HK2: variants seen among roughly 807,000 people sequenced by gnomAD.
HK2 encodes hexokinase-2.
In HK2, 42 loss-of-function variants were observed where a neutral mutation model predicts 92.9. That is an observed-to-expected ratio of 0.45 (90% confidence interval 0.35 to 0.58). HK2 has a LOEUF of 0.58. Ranked by LOEUF, HK2 falls within the 20% of genes least tolerant of loss-of-function variation. The probability of loss-of-function intolerance (pLI) is 0.00; values close to 1 mark genes in which losing one functional copy is unlikely to be tolerated. For missense variants in HK2, 978 were observed against 1,245.1 expected, an observed-to-expected ratio of 0.79 and a Z score of 3.23; for synonymous variants, 422 against 468.0, an observed-to-expected ratio of 0.90 and a Z score of 1.27.
chr2:74,856,145 G>A (rs1053268416), intron 2 of HK2, among the ~76,000 whole-genome samples: 9 of 152,052 alleles, frequency 5.9e-5, no homozygotes, highest in East Asian at 1.9e-4. Context: ...CTACAGGGGC[G>A]TTGTTGGGAG....
At chr2:74,864,682 T>G (rs1035815745) in intron 2 of HK2, among the ~76,000 whole-genome samples, 3 of 152,112 alleles carry the variant, frequency 2.0e-5, no homozygotes, top group Non-Finnish European at 4.4e-5. Flanking sequence ...AATTTTTGTA[T>G]TATTAGTAGA....
At chr2:74,856,523 G>T (rs1470849997) in intron 2 of HK2, among the ~76,000 whole-genome samples, 1 of 152,116 alleles carries the variant, frequency 6.6e-6, no homozygotes, top group Non-Finnish European at 1.5e-5. Context: ...TCAGATAAAT[G>T]TACACACTCC....
At chr2:74,884,248 G>A (rs1414565887) in intron 12 of HK2, among the ~76,000 whole-genome samples, 1 of 152,216 alleles carries the variant, frequency 6.6e-6, no homozygotes. Context: ...TAGGTCTAGA[G>A]CCGTAAAAAT....
Position 74,886,294 on chromosome 2 carries a change from GA to G in HK2, c.1937del (p.Glu646GlyfsTer10). The part of the protein sequence containing the change: ...LLKEAIHRRE[E>X]FDLDVVAVVN... ...TGGGCATCTGCTTCTTCCCTCTCAGGAGTTTGACCTGGATGTGGTTGCTGTG... is the reference window on the plus strand; with the variant it reads ...TGGGCATCTGCTTCTTCCCTCTCAGGGTTTGACCTGGATGTGGTTGCTGTG... On this transcript the variant is annotated frameshift_variant and splice_region_variant, in exon 14 of 18. Transcript: ENST00000290573. LOFTEE classifies it high-confidence loss of function. 6.2e-7 allele frequency: 1 copy of G among 1,613,768 alleles called. No individual in the cohort carries two copies. The highest frequency in any genetic ancestry group is 1.3e-5 in the African/African-American group (1 of 75,054).
Position 74,834,469 on chromosome 2 carries a change from C to A in HK2, c.-112C>A. On this transcript the variant is annotated 5_prime_UTR_variant, in exon 1 of 18. Transcript: ENST00000290573. The surrounding 1 kb of genome is among the most constrained non-coding windows in gnomAD (Gnocchi z 4.2). Reference sequence around the variant, plus strand: ...CTTTGTGCGCCGTCCGGACTCCCAGCTCCCGGCCCGGCAGCCGAGCCCCAG... The same window carrying A: ...CTTTGTGCGCCGTCCGGACTCCCAGATCCCGGCCCGGCAGCCGAGCCCCAG... The A allele has an allele frequency of 1.8e-6, 2 of 1,092,622 alleles. No individual in the cohort carries two copies. Among genetic ancestry groups the A allele is most frequent in the Non-Finnish European group, 2.8e-6 (2 of 722,232 alleles). The allele number at this position is 1,092,622 out of a possible 1,614,324, so 67.7% of individuals were successfully genotyped here. A position where few individuals can be genotyped will look rare whatever the true frequency, so the allele number is the denominator to read the frequency against.
intron 17 of HK2, 31 bp from the exon 18 acceptor site, chr2:74,890,761 ATGGTT>A: frequency 6.2e-7 from 1 of 1,613,148 alleles, no homozygotes; most frequent in South Asian, 1.1e-5. Context: ...CATGACTAAG[ATGGTT>A]TTTCCTGTGT....
chr2:74,864,689 TAG>T (rs1688907059), intron 2 of HK2, among the ~76,000 whole-genome samples: 1 of 152,174 alleles, frequency 6.6e-6, no homozygotes, highest in African/African-American at 2.4e-5. Context: ...GTATTATTAG[TAG>T]AGACAGGGTT....
chr2:74,846,604 A>G (rs1205582006), intron 1 of HK2, among the ~76,000 whole-genome samples: 1 of 152,188 alleles, frequency 6.6e-6, no homozygotes, highest in East Asian at 1.9e-4. Context: ...GGTTGCATGT[A>G]GTGGTAGGTG....
intron 1 of HK2, among the ~76,000 whole-genome samples, chr2:74,840,639 G>C (rs1256415278): frequency 6.6e-6 from 1 of 150,640 alleles, no homozygotes; most frequent in African/African-American, 2.4e-5. Flanking sequence ...AGGCCAAGGC[G>C]GGCGGATCAC....
At chr2:74,844,191 A>C (rs1239025281) in intron 1 of HK2, among the ~76,000 whole-genome samples, 3 of 151,602 alleles carry the variant, frequency 2.0e-5, no homozygotes, top group Non-Finnish European at 4.4e-5. Context: ...TGTAGTCTAA[A>C]CAAACCCTTC....
intron 1 of HK2, among the ~76,000 whole-genome samples, chr2:74,839,567 T>C (rs1485365084): frequency 6.6e-6 from 1 of 152,184 alleles, no homozygotes; most frequent in African/African-American, 2.4e-5. Flanking sequence ...CCGTTTGTTT[T>C]ATATTGCCAA....
intron 1 of HK2, among the ~76,000 whole-genome samples, chr2:74,853,451 A>AG (rs1688617806): frequency 6.6e-6 from 1 of 151,940 alleles, no homozygotes; most frequent in Non-Finnish European, 1.5e-5. Context: ...CGGGAGGCAG[A>AG]GGTTGCAGTG....
intron 2 of HK2, among the ~76,000 whole-genome samples, chr2:74,866,873 C>G (rs1473227393): frequency 6.6e-6 from 1 of 152,200 alleles, no homozygotes; most frequent in Non-Finnish European, 1.5e-5. Flanking sequence ...CACTCCATCA[C>G]ATGACCCCTC....
chr2:74,872,745 T>G (rs13384240), intron 4 of HK2, among the ~76,000 whole-genome samples: 1 of 152,174 alleles, frequency 6.6e-6, no homozygotes, highest in Non-Finnish European at 1.5e-5. Context: ...GGAGAGTTAA[T>G]GATGTAAGGA....
chr2:74,892,598 A>C lies in HK2; in HGVS notation c.*1657A>C, dbSNP rs777512278. 5 of 152,246 alleles carry C rather than the reference A, an allele frequency of 3.3e-5. No individual in the cohort carries two copies. The highest frequency in any genetic ancestry group is 7.3e-5 in the Non-Finnish European group (5 of 68,042). 9.4% of individuals were successfully genotyped at this position (152,246 alleles called of 1,614,324 possible). On this transcript the variant is annotated 3_prime_UTR_variant, in exon 18 of 18. Coordinates refer to ENST00000290573, the MANE Select transcript of HK2 (RefSeq NM_000189.5). ...TAAAATACAAACAAGCACAGACATTAAACCTGGATACTATATGATAAAGAG... is the reference window on the plus strand; with the variant it reads ...TAAAATACAAACAAGCACAGACATTCAACCTGGATACTATATGATAAAGAG...
At chr2:74,844,511 A>G (rs1688391250) in intron 1 of HK2, among the ~76,000 whole-genome samples, 1 of 152,186 alleles carries the variant, frequency 6.6e-6, no homozygotes, top group East Asian at 1.9e-4. Context: ...TAAGCAGGGA[A>G]GTGTGGGTAC....
At chr2:74,878,413 CTGTGTGTGTGTG>C (rs56015017) in intron 8 of HK2, among the ~76,000 whole-genome samples, 10 of 149,816 alleles carry the variant, frequency 6.7e-5, no homozygotes, top group East Asian at 2.0e-4. Context: ...CCGTGTGTCT[CTGTGTGTGTGTG>C]TGTGTGTGTG....
At chr2:74,868,416 A>T (rs1177638143) in intron 3 of HK2, among the ~76,000 whole-genome samples, 1 of 152,032 alleles carries the variant, frequency 6.6e-6, no homozygotes, top group East Asian at 1.9e-4. Context: ...GTATTCAGGC[A>T]CTCTAGCTGT....
chr2:74,855,404 C>T (rs1022832859), intron 2 of HK2, among the ~76,000 whole-genome samples: 6 of 152,198 alleles, frequency 3.9e-5, no homozygotes, highest in Admixed American at 6.5e-5. Flanking sequence ...GAGTCTCGCT[C>T]TGTCACCCAG....
Sources: allele counts gnomAD v4.1 joint callset (sites outside exome capture counted in the v4.1 genomes callset), GRCh38; gene constraint gnomAD v4.1.1; non-coding constraint Gnocchi (gnomAD v3.1); transcripts MANE v1.5; gene names NCBI Gene and HGNC (gene_info 2026-07-23, HGNC 2026-07-21).